Variants in ZNF438 observed in about 807,000 individuals in gnomAD.
ZNF438 encodes the protein zinc finger protein 438.
A neutral mutation model predicts 38.0 loss-of-function variants in ZNF438; 25 were observed. The observed-to-expected ratio is 0.66, with a 90% CI of 0.48 to 0.92. The LOEUF (loss-of-function observed/expected upper bound fraction) is 0.92. Ranked by LOEUF, ZNF438 falls within the 40% of genes least tolerant of loss-of-function variation. ZNF438 has a pLI of 0.00. For missense variants in ZNF438, 1,007 were observed against 999.6 expected (o/e 1.01, Z -0.10); for synonymous variants, 372 against 364.1 (o/e 1.02, Z -0.25).
intron 1 of ZNF438, among the ~76,000 whole-genome samples, chr10:31,019,416 G>GA (rs754456704): frequency 5.9e-5 from 9 of 152,188 alleles, no homozygotes; most frequent in Non-Finnish European, 1.0e-4. Flanking sequence ...TTGGGATGAC[G>GA]AAAGATTTCT....
At chr10:30,988,308 A>G (rs1043465285) in intron 1 of ZNF438, among the ~76,000 whole-genome samples, 1 of 152,162 alleles carries the variant, frequency 6.6e-6, no homozygotes, top group African/African-American at 2.4e-5. Context: ...CTTGAAAAAA[A>G]TCAATAATTT....
chr10:30,907,792 T>G (rs7084551), intron 3 of ZNF438, among the ~76,000 whole-genome samples: 64,939 of 151,784 alleles, frequency 0.43, 14,366 homozygotes, highest in Non-Finnish European at 0.47. Flanking sequence ...CTTTTATTGA[T>G]TTTCTCTATT....
At chr10:30,884,476 C>T (rs1298157929) in intron 3 of ZNF438, among the ~76,000 whole-genome samples, 3 of 152,016 alleles carry the variant, frequency 2.0e-5, no homozygotes, top group Non-Finnish European at 4.4e-5. Context: ...CATTTTTACT[C>T]AAGGAATCAT....
chr10:30,873,876 CTT>C (rs1207851795), intron 4 of ZNF438, among the ~76,000 whole-genome samples: 1 of 151,892 alleles, frequency 6.6e-6, no homozygotes, highest in Non-Finnish European at 1.5e-5. Context: ...TTGGTGATGT[CTT>C]ATCTGAATTT....
chr10:30,902,864 T>C (rs2994621), intron 3 of ZNF438, among the ~76,000 whole-genome samples: 118,249 of 151,722 alleles, frequency 0.78, 46,857 homozygotes, highest in African/African-American at 0.89. Flanking sequence ...CAGCGGGTGG[T>C]GCTCCTTGGG....
intron 1 of ZNF438, among the ~76,000 whole-genome samples, chr10:30,998,189 C>T (rs1164610139): frequency 6.6e-6 from 1 of 152,046 alleles, no homozygotes; most frequent in South Asian, 2.1e-4. Context: ...AAATGAAACT[C>T]ATATAGATCC....
At chr10:31,009,174 T>C (rs2055423018) in intron 1 of ZNF438, among the ~76,000 whole-genome samples, 1 of 152,188 alleles carries the variant, frequency 6.6e-6, no homozygotes, top group African/African-American at 2.4e-5. Flanking sequence ...ATCAGATATA[T>C]AATTTGCAAG....
chr10:30,992,940 G>A (rs911961826), intron 1 of ZNF438, among the ~76,000 whole-genome samples: 26 of 152,162 alleles, frequency 1.7e-4, no homozygotes, highest in African/African-American at 5.1e-4. Context: ...CTAGCATATC[G>A]AGTGGAAGAA....
At chr10:30,970,232 C>T (rs2050598114) in intron 1 of ZNF438, among the ~76,000 whole-genome samples, 2 of 151,718 alleles carry the variant, frequency 1.3e-5, no homozygotes, top group South Asian at 4.1e-4. Flanking sequence ...CTGAAAATAA[C>T]AGAACCCTAA....
intron 1 of ZNF438, among the ~76,000 whole-genome samples, chr10:30,987,101 AG>A (rs1438856126): frequency 6.6e-6 from 1 of 152,158 alleles, no homozygotes; most frequent in African/African-American, 2.4e-5. Flanking sequence ...AATCCACAAA[AG>A]ATGTGACATT....
intron 2 of ZNF438, chr10:30,923,137 C>T (rs1171175695): frequency 6.6e-6 from 1 of 152,194 alleles, no homozygotes; most frequent in Non-Finnish European, 1.5e-5. Context: ...ATTAAATAAT[C>T]TGTAGATCAC....
At chr10:31,022,099 G>A (rs554019932) in intron 1 of ZNF438, among the ~76,000 whole-genome samples, 2 of 152,226 alleles carry the variant, frequency 1.3e-5, no homozygotes, top group South Asian at 2.1e-4. Flanking sequence ...GGATTGTGAC[G>A]TGTGACAAAA....
Position 30,970,105 on chromosome 10 carries a change from TACACACACAC to T in ZNF438, c.-191-28464_-191-28455del, listed in dbSNP as rs55745286. On this transcript the variant is annotated intron_variant, in intron 1 of 5. Transcript: ENST00000413025. ...TTCAGCCAGAAGAAATGCTGGCTGATACACACACACACACACACACACACACACACACACA... is the reference window on the plus strand; with the variant it reads ...TTCAGCCAGAAGAAATGCTGGCTGATACACACACACACACACACACACACA... Among the ~76,000 whole-genome samples, 1,376 of 145,108 alleles carry T rather than the reference TACACACACAC, an allele frequency of 9.5e-3. 8 individuals are homozygous for T. Among genetic ancestry groups the T allele is most frequent in the South Asian group, 0.015 (69 of 4,502 alleles).
At chr10:30,927,887 C>T (rs1233473495) in intron 2 of ZNF438, among the ~76,000 whole-genome samples, 1 of 150,030 alleles carries the variant, frequency 6.7e-6, no homozygotes, top group African/African-American at 2.4e-5. Context: ...AAAAAAAGTA[C>T]AGAAATTCTC....
At chr10:30,844,913 G>A (rs371675096) in exon 6 of ZNF438, 272 of 1,575,034 alleles carry the variant, frequency 1.7e-4, no homozygotes, top group Non-Finnish European at 2.3e-4. Context: ...AGCTCTGAAG[G>A]AAGGTGGCGG....
intron 1 of ZNF438, among the ~76,000 whole-genome samples, chr10:30,999,095 T>C (rs542320633): frequency 6.6e-6 from 1 of 150,732 alleles, no homozygotes; most frequent in African/African-American, 2.4e-5. Flanking sequence ...GGTTCCCAAA[T>C]GGAAAAAAAA....
intron 1 of ZNF438, among the ~76,000 whole-genome samples, chr10:31,015,748 T>A (rs953747345): frequency 4.6e-5 from 7 of 152,246 alleles, no homozygotes; most frequent in Non-Finnish European, 1.0e-4. Context: ...ATACCATGAC[T>A]GGGACTTCCT....
chr10:31,010,278 T>C (rs1447320849), intron 1 of ZNF438, among the ~76,000 whole-genome samples: 3 of 152,308 alleles, frequency 2.0e-5, no homozygotes, highest in Non-Finnish European at 4.4e-5. Context: ...GACCAACCCA[T>C]GGCCAGTTCC....
At chr10:30,894,572 G>C (rs1294534093) in intron 3 of ZNF438, among the ~76,000 whole-genome samples, 1 of 152,036 alleles carries the variant, frequency 6.6e-6, no homozygotes, top group Non-Finnish European at 1.5e-5. Context: ...GGGTGGGTGG[G>C]GAAGAAAAAT....
Sources: allele counts gnomAD v4.1 joint callset (sites outside exome capture counted in the v4.1 genomes callset), GRCh38; gene constraint gnomAD v4.1.1; transcripts MANE v1.5; gene names NCBI Gene and HGNC (gene_info 2026-07-23, HGNC 2026-07-21).